The following KLF12 variants were observed in gnomAD, a reference collection of about 807,000 sequenced individuals.
KLF12 encodes the protein Krueppel-like factor 12.
Under a neutral mutation model 37.8 loss-of-function variants are expected in KLF12, and 9 were observed. That is an observed-to-expected ratio of 0.24 (90% CI 0.14 to 0.42). KLF12 has a LOEUF of 0.42. Among genes scored for constraint, KLF12 ranks in the 10% least tolerant of loss-of-function variants. The probability of loss-of-function intolerance (pLI) is 1.00; values close to 1 mark genes in which losing one functional copy is unlikely to be tolerated. For missense variants in KLF12, 411 were observed against 516.0 expected, an observed-to-expected ratio of 0.80 and a Z score of 1.97; for synonymous variants, 208 against 202.1, an observed-to-expected ratio of 1.03 and a Z score of -0.25.
intron 5 of KLF12, among the ~76,000 whole-genome samples, chr13:73,777,679 G>A (rs1880699743): frequency 6.6e-6 from 1 of 150,848 alleles, no homozygotes; most frequent in Admixed American, 6.6e-5. Flanking sequence ...TTGCACTCCA[G>A]CCTGGGCAAC....
intron 5 of KLF12, chr13:73,800,147 TTTTG>T (rs1452825778): frequency 2.6e-5 from 4 of 152,074 alleles, no homozygotes; most frequent in Admixed American, 1.3e-4. Context: ...GTTTCACAGA[TTTTG>T]TTTATTCTCC....
At chr13:73,766,205 T>C (rs1404931196) in intron 5 of KLF12, among the ~76,000 whole-genome samples, 2 of 152,144 alleles carry the variant, frequency 1.3e-5, no homozygotes, top group Non-Finnish European at 2.9e-5. Context: ...TGCAGAAAGA[T>C]GGAGAGAGGC....
At chr13:74,092,006 A>AT (rs957758338) in intron 1 of KLF12, among the ~76,000 whole-genome samples, 3 of 151,560 alleles carry the variant, frequency 2.0e-5, no homozygotes, top group African/African-American at 7.3e-5. Flanking sequence ...AAAAAAAAAA[A>AT]AACCCAGACG....
chr13:74,267,925 G>T, the KLF12 span, among the ~76,000 whole-genome samples: 1 of 152,258 alleles, frequency 6.6e-6, no homozygotes, highest in African/African-American at 2.4e-5. Flanking sequence ...GCCATGTGAA[G>T]ATGGAGGCAG....
rs1873937083 is a variant in KLF12, at chr13:73,693,569, A to G, written c.*1921T>C. The G allele has an allele frequency of 6.6e-6, 1 of 152,460 alleles. No individual in the cohort carries two copies. Among genetic ancestry groups the G allele is most frequent in the Non-Finnish European group, 1.5e-5 (1 of 68,034 alleles). The allele number at this position is 152,460 out of a possible 1,614,324, so 9.4% of individuals were successfully genotyped here. A position where few individuals can be genotyped will look rare whatever the true frequency, so the allele number is the denominator to read the frequency against. Reference sequence around the variant, plus strand: ...ACAAATTGTCCTTGTTTCAACGTTCATAGTTCTCGCTTCATCAGAATAAGA... The same window carrying G: ...ACAAATTGTCCTTGTTTCAACGTTCGTAGTTCTCGCTTCATCAGAATAAGA... On this transcript the variant is annotated 3_prime_UTR_variant, in exon 8 of 8. Coordinates refer to ENST00000377669, the MANE Select transcript of KLF12 (RefSeq NM_007249.5).
chr13:74,235,437 C>T, the KLF12 span, among the ~76,000 whole-genome samples: 1 of 152,146 alleles, frequency 6.6e-6, no homozygotes, highest in East Asian at 1.9e-4. Context: ...TATCACACAG[C>T]TTTATGCCAT....
At chr13:74,189,903 C>A in the KLF12 span, among the ~76,000 whole-genome samples, 1 of 151,770 alleles carries the variant, frequency 6.6e-6, no homozygotes, top group Non-Finnish European at 1.5e-5. Flanking sequence ...TTTAATGTTT[C>A]GACTAGTCGA....
At chr13:74,035,214 C>G (rs1057174000) in intron 1 of KLF12, among the ~76,000 whole-genome samples, 5 of 152,174 alleles carry the variant, frequency 3.3e-5, no homozygotes, top group African/African-American at 1.2e-4. Flanking sequence ...TATGCATATC[C>G]TCCCATATAC....
the KLF12 span, among the ~76,000 whole-genome samples, chr13:74,266,838 A>T: frequency 6.6e-6 from 1 of 152,338 alleles, no homozygotes; most frequent in Non-Finnish European, 1.5e-5. Context: ...GATTGAGTTA[A>T]GTAATAACAA....
the KLF12 span, among the ~76,000 whole-genome samples, chr13:74,294,834 G>A: frequency 6.6e-6 from 1 of 152,150 alleles, no homozygotes; most frequent in South Asian, 2.1e-4. Context: ...CTGCAAAGCA[G>A]TAATAACCTC....
At chr13:74,203,938 T>G in the KLF12 span, among the ~76,000 whole-genome samples, 1 of 152,222 alleles carries the variant, frequency 6.6e-6, no homozygotes, top group African/African-American at 2.4e-5. Flanking sequence ...AATGATTGGA[T>G]GAAGAAAGAC....
intron 6 of KLF12, among the ~76,000 whole-genome samples, chr13:73,723,955 G>T (rs1448622199): frequency 6.6e-6 from 1 of 152,150 alleles, no homozygotes; most frequent in Non-Finnish European, 1.5e-5. Context: ...GTGCAAATTA[G>T]TTCAACCATC....
chr13:74,209,215 T>A, the KLF12 span, among the ~76,000 whole-genome samples: 1 of 152,158 alleles, frequency 6.6e-6, no homozygotes, highest in Admixed American at 6.6e-5. Flanking sequence ...TCACAATGTT[T>A]AAGTTACTCT....
chr13:74,065,554 A>T (rs1873866291), intron 1 of KLF12, among the ~76,000 whole-genome samples: 1 of 152,170 alleles, frequency 6.6e-6, no homozygotes, highest in South Asian at 2.1e-4. Context: ...TTGTCAGGTC[A>T]AGGATGAGAA....
the KLF12 span, among the ~76,000 whole-genome samples, chr13:74,162,867 A>C: frequency 1.3e-5 from 2 of 152,216 alleles, no homozygotes; most frequent in African/African-American, 4.8e-5. Flanking sequence ...ATGCAAGAAA[A>C]GGGATTACAA....
intron 1 of KLF12, among the ~76,000 whole-genome samples, chr13:74,124,439 T>C (rs1877821077): frequency 6.6e-6 from 1 of 152,250 alleles, no homozygotes; most frequent in African/African-American, 2.4e-5. Context: ...AATAATATTT[T>C]AATACAAACT....
chr13:73,927,629 T>C (rs1443044368), intron 3 of KLF12, among the ~76,000 whole-genome samples: 2 of 152,152 alleles, frequency 1.3e-5, no homozygotes, highest in East Asian at 3.9e-4. Flanking sequence ...CAGGCTGGAG[T>C]GCAGTGGCGC....
At chr13:74,199,873 T>C in the KLF12 span, among the ~76,000 whole-genome samples, 5 of 152,270 alleles carry the variant, frequency 3.3e-5, no homozygotes, top group South Asian at 6.2e-4. Flanking sequence ...AGAGACTTCA[T>C]CTTAGCAATC....
intron 3 of KLF12, among the ~76,000 whole-genome samples, chr13:73,923,279 G>A (rs1421273920): frequency 6.6e-6 from 1 of 152,108 alleles, no homozygotes; most frequent in African/African-American, 2.4e-5. Flanking sequence ...ATACAATGCT[G>A]CCTATGACAA....
Sources: allele counts gnomAD v4.1 joint callset (sites outside exome capture counted in the v4.1 genomes callset), GRCh38; gene constraint gnomAD v4.1.1; transcripts MANE v1.5; gene names NCBI Gene and HGNC (gene_info 2026-07-23, HGNC 2026-07-21).